DCAF4: variants seen among roughly 807,000 people sequenced by gnomAD.
The protein encoded by DCAF4 is DDB1 and CUL4 associated factor 4.
In DCAF4, 37 loss-of-function variants were observed where a neutral mutation model predicts 60.9. The observed-to-expected ratio is 0.61, with a 90% CI of 0.47 to 0.80. DCAF4 has a LOEUF of 0.80. Ranked by LOEUF, DCAF4 falls within the 30% of genes least tolerant of loss-of-function variation. The pLI, the probability that DCAF4 is intolerant of heterozygous loss-of-function variation, is 0.00. For missense variants in DCAF4, 577 were observed against 650.0 expected, an observed-to-expected ratio of 0.89 and a Z score of 1.22; for synonymous variants, 243 against 254.8, an observed-to-expected ratio of 0.95 and a Z score of 0.44.
At chr14:72,926,866 C>G (rs1887629256) in intron 1 of DCAF4, 1 of 152,550 alleles carries the variant, frequency 6.6e-6, no homozygotes, top group Non-Finnish European at 1.5e-5. Flanking sequence ...GCTGAAGGCC[C>G]CACCCGACAC....
chr14:72,936,285 C>G (rs1437608894), intron 1 of DCAF4, among the ~76,000 whole-genome samples: 1 of 152,106 alleles, frequency 6.6e-6, no homozygotes, highest in Admixed American at 6.6e-5. Flanking sequence ...GTTTTGGAGC[C>G]GGGCTTGGTG....
intron 1 of DCAF4, 167 bp from the exon 2 acceptor site, chr14:72,937,804 C>T: frequency 3.1e-6 from 2 of 638,266 alleles, no homozygotes; most frequent in Non-Finnish European, 3.9e-6. Flanking sequence ...TGGGGGAGTG[C>T]TGGAGGCAGC....
Position 72,940,269 on chromosome 14 carries a change from GCTCC to G in DCAF4, c.246_249del (p.Pro83AspfsTer8). ...CTGAAAAGAAACGCTACTTCCGCTT[GCTCC>G]CTGGACATAACAACTGCAACCCCCT... On this transcript the variant is annotated frameshift_variant, in exon 4 of 14. Coordinates refer to ENST00000358377, the MANE Select transcript of DCAF4 (RefSeq NM_015604.4). LOFTEE classifies it high-confidence loss of function. 1 of 1,614,186 alleles carries G rather than the reference GCTCC, an allele frequency of 6.2e-7. No individual in the cohort carries two copies.
chr14:72,941,657 T>G (rs1890061260), intron 4 of DCAF4, 88 bp from the exon 5 acceptor site: 1 of 1,281,732 alleles, frequency 7.8e-7, no homozygotes, highest in Non-Finnish European at 1.1e-6. Context: ...GTTTCCTTCA[T>G]TACATCCTAT....
intron 13 of DCAF4, 67 bp from the exon 14 acceptor site, chr14:72,958,545 C>T: frequency 6.3e-7 from 1 of 1,581,146 alleles, no homozygotes; most frequent in East Asian, 2.2e-5. Context: ...GAAGCCATGT[C>T]CACATGTAGG....
At position 72,938,042 on chromosome 14, in the gene DCAF4, T is replaced by C. The variant is rs1351280737; in HGVS notation, c.64T>C (p.Trp22Arg). The part of the protein sequence containing the change: ...HGRRSHQQNP[W>R]FRLRDSEDRS... Reference sequence around the variant, plus strand: ...GAGAAGAAGCCACCAGCAGAACCCTTGGTTCAGACTCCGTGATTCTGAAGA... The same window carrying C: ...GAGAAGAAGCCACCAGCAGAACCCTCGGTTCAGACTCCGTGATTCTGAAGA... Residue 22 changes from tryptophan (W) to arginine (R), a missense_variant, in exon 2 of 14, where the codon TGG becomes CGG. Physicochemically the swap from Trp to Arg is moderately radical, Grantham distance 101. Coordinates refer to ENST00000358377, the MANE Select transcript of DCAF4 (RefSeq NM_015604.4). 1 of 1,610,050 alleles carries C rather than the reference T, an allele frequency of 6.2e-7. No individual in the cohort carries two copies. The highest frequency in any genetic ancestry group is 1.1e-5 in the South Asian group (1 of 90,456).
chr14:72,954,312 A>C, intron 10 of DCAF4, 50 bp downstream of exon 10: 1 of 1,612,968 alleles, frequency 6.2e-7, no homozygotes. Flanking sequence ...ACAGGCCTTA[A>C]AACCCCATGT....
chr14:72,930,573 A>G (rs1212663626), intron 1 of DCAF4, among the ~76,000 whole-genome samples: 1 of 152,150 alleles, frequency 6.6e-6, no homozygotes, highest in Non-Finnish European at 1.5e-5. Context: ...CCGGCCCTAA[A>G]TAATGTCTTT....
chr14:72,936,467 G>A (rs954556971), intron 1 of DCAF4, among the ~76,000 whole-genome samples: 1 of 151,960 alleles, frequency 6.6e-6, no homozygotes, highest in African/African-American at 2.4e-5. Context: ...GGGAGGCTGA[G>A]GCAGGAGAAT....
At chr14:72,952,144 G>A (rs760113865) in intron 9 of DCAF4, among the ~76,000 whole-genome samples, 38 of 152,276 alleles carry the variant, frequency 2.5e-4, no homozygotes, top group African/African-American at 8.2e-4. Context: ...TCGGACGCCC[G>A]TGCACATCAT....
In DCAF4 at chr14:72,956,559, C is replaced by T. The variant is rs1555528844; in HGVS notation, c.1294+59C>T. The T allele has an allele frequency of 8.6e-6, 13 of 1,505,582 alleles. No individual in the cohort carries two copies. In the South Asian group the frequency reaches 1.3e-4, roughly 15 times the overall value. The allele number at this position is 1,505,582 out of a possible 1,614,324, so 93.3% of individuals were successfully genotyped here. On this transcript the variant is annotated intron_variant, in intron 13 of 13. Coordinates refer to ENST00000358377, the MANE Select transcript of DCAF4 (RefSeq NM_015604.4). ...TCAAATACTGTCTCTCAGGGGCGAT[C>T]CCAGCAACTTCAGCAGCAGAGGGAA...
chr14:72,951,877 G>C lies in DCAF4; in HGVS notation c.808G>C (p.Gly270Arg), dbSNP rs757038655. ...ATCACTGTTCGTCAATAGTCACCCA[G>C]GTACAGGGTTCTCCTCCTTTAAAGA... ...PASLFVNSHP[G>R]IDRPGMLCSF... The change falls in exon 9 of 14, where the codon GGA (glycine) becomes CGA (arginine). Residue 270 changes from glycine to arginine, a missense_variant and splice_region_variant. By Grantham distance (125) the Gly-to-Arg change is moderately radical (BLOSUM62 -2). Coordinates refer to ENST00000358377, the MANE Select transcript of DCAF4 (RefSeq NM_015604.4). The C allele has an allele frequency of 3.1e-6, 5 of 1,614,146 alleles. No homozygotes were observed. In the Admixed American group the frequency reaches 8.3e-5, roughly 27 times the overall value.
downstream of DCAF4, chr14:72,960,870 GGC>G (rs1491519470): frequency 6.2e-6 from 1 of 161,814 alleles, no homozygotes; most frequent in Non-Finnish European, 1.3e-5. Flanking sequence ...CTGTATGTCA[GGC>G]CCCCCCCACC....
chr14:72,952,102 C>A (rs542057359), intron 9 of DCAF4, among the ~76,000 whole-genome samples: 5 of 152,182 alleles, frequency 3.3e-5, no homozygotes, highest in African/African-American at 1.2e-4. Flanking sequence ...AGACTTAACA[C>A]GCATGTAAAC....
At position 72,940,216 on chromosome 14, in the gene DCAF4, A is replaced by G; in HGVS notation, c.194-4A>G. 1.2e-6 allele frequency: 2 copies of G among 1,613,662 alleles called. No homozygotes were observed. Among genetic ancestry groups the G allele is most frequent in the South Asian group, 1.1e-5 (1 of 91,006 alleles). ...ATTGGTGCATTTAATTTTTTTGTCTAAAGAGCTACCTGGGTTTTACTTTGA... is the reference window on the plus strand; with the variant it reads ...ATTGGTGCATTTAATTTTTTTGTCTGAAGAGCTACCTGGGTTTTACTTTGA... On this transcript the variant is annotated splice_polypyrimidine_tract_variant and splice_region_variant and intron_variant, in intron 3 of 13. Transcript: ENST00000358377.
rs565229070 is a variant in DCAF4 at position 72,928,187 on chromosome 14, C to CTTTTTTTTTTTTTTTTTTTTTTTTTTTTT, written c.-9+1667_-9+1668insTTTTTTTTTTTTTTTTTTTTTTTTTTTTT. 2.4e-4 allele frequency among the ~76,000 whole-genome samples: 16 copies of CTTTTTTTTTTTTTTTTTTTTTTTTTTTTT among 67,276 alleles called. 1 individual carries two copies. The highest frequency in any genetic ancestry group is 7.9e-4 in the African/African-American group (12 of 15,108). The allele number at this position is 67,276 out of a possible 152,430, so 44.1% of individuals were successfully genotyped here. A position where few individuals can be genotyped will look rare whatever the true frequency, so the allele number is the denominator to read the frequency against. The stretch of plus-strand genomic sequence containing the variant: ...CCCGCTAGTCTACAGAATCCCCCCA[C>CTTTTTTTTTTTTTTTTTTTTTTTTTTTTT]TTTTTTTTTTTTTTTTTTTTTTTGA... On this transcript the variant is annotated intron_variant, in intron 1 of 13. Transcript: ENST00000358377.
intron 12 of DCAF4, 23 bp downstream of exon 12, chr14:72,955,719 A>C (rs1322250934): frequency 1.2e-6 from 2 of 1,603,246 alleles, no homozygotes; most frequent in Non-Finnish European, 8.5e-7. Flanking sequence ...GGACTTTCTC[A>C]GGCCACAGGG....
intron 1 of DCAF4, among the ~76,000 whole-genome samples, chr14:72,927,593 C>T (rs1473969739): frequency 2.0e-5 from 3 of 151,972 alleles, no homozygotes. Context: ...CCTCGTGATC[C>T]GCCCGCCTCG....
intron 4 of DCAF4, among the ~76,000 whole-genome samples, chr14:72,941,146 T>C (rs949536616): frequency 6.6e-6 from 1 of 151,516 alleles, no homozygotes; most frequent in African/African-American, 2.4e-5. Flanking sequence ...GTATTTTTTT[T>C]ATAGAGATGG....
Sources: gnomAD v4.1 joint callset for allele counts (sites outside exome capture counted in the v4.1 genomes callset) on GRCh38, gnomAD v4.1.1 for gene constraint, MANE v1.5 for transcripts, NCBI Gene and HGNC (gene_info 2026-07-23, HGNC 2026-07-21) for gene names.